ZNF207: variants seen among roughly 807,000 people sequenced by gnomAD.
ZNF207 encodes zinc finger protein 207.
A neutral mutation model predicts 60.2 loss-of-function variants in ZNF207; 24 were observed. The observed-to-expected ratio is 0.40, with a 90% CI of 0.29 to 0.56. The LOEUF is 0.56. Ranked by LOEUF, ZNF207 falls within the 20% of genes least tolerant of loss-of-function variation. The probability of loss-of-function intolerance (pLI) is 0.49; values close to 1 mark genes in which losing one functional copy is unlikely to be tolerated. For missense variants in ZNF207, 452 were observed against 636.6 expected, an observed-to-expected ratio of 0.71 and a Z score of 3.12; for synonymous variants, 236 against 194.7, an observed-to-expected ratio of 1.21 and a Z score of -1.77.
In ZNF207 at chr17:32,369,886, A is replaced by G. The variant is rs2150804473; in HGVS notation, c.*127A>G. On this transcript the variant is annotated 3_prime_UTR_variant, in exon 12 of 12. Coordinates refer to ENST00000394670, the MANE Select transcript of ZNF207 (RefSeq NM_001098507.2). ...AACAAACATTATCTTCCCACATACCAGGAACTATTGGACATTTATTTTACA... is the reference window on the plus strand; with the variant it reads ...AACAAACATTATCTTCCCACATACCGGGAACTATTGGACATTTATTTTACA... 2 of 1,057,540 alleles carry G rather than the reference A, an allele frequency of 1.9e-6. No individual in the cohort carries two copies. The highest frequency in any genetic ancestry group is 3.8e-5 in the Admixed American group (1 of 26,114). The allele number at this position is 1,057,540 out of a possible 1,614,324, so 65.5% of individuals were successfully genotyped here.
At position 32,367,275 on chromosome 17, in the gene ZNF207, A is replaced by ATG. The variant is rs1567825048; in HGVS notation, c.922-496_922-495insGT. ...TATATATATATATATATATATATATATATATATATAAAGAATACTACTAAA... is the reference window on the plus strand; with the variant it reads ...TATATATATATATATATATATATATATGTATATATATAAAGAATACTACTAAA... On this transcript the variant is annotated intron_variant, in intron 9 of 11. Transcript: ENST00000394670. Among the ~76,000 whole-genome samples the ATG allele has an allele frequency of 5.2e-3, 619 of 119,694 alleles. 22 individuals carry two copies. Among genetic ancestry groups the ATG allele is most frequent in the Non-Finnish European group, 7.9e-3 (458 of 57,866 alleles). 78.5% of individuals were successfully genotyped at this position (119,694 alleles called of 152,430 possible).
rs1195927452 is a variant in ZNF207 at position 32,375,514 on chromosome 17, T to G, written c.*5755T>G. The G allele has an allele frequency of 6.6e-6, 1 of 151,754 alleles. No individual in the cohort carries two copies. Among genetic ancestry groups the G allele is most frequent in the African/African-American group, 2.4e-5 (1 of 41,332 alleles). 9.4% of individuals were successfully genotyped at this position (151,754 alleles called of 1,614,324 possible). A position where few individuals can be genotyped will look rare whatever the true frequency, so the allele number is the denominator to read the frequency against. On this transcript the variant is annotated 3_prime_UTR_variant, in exon 12 of 12. Coordinates refer to ENST00000394670, the MANE Select transcript of ZNF207 (RefSeq NM_001098507.2). ...TCTATAGATAACTAAGATAGTTCCTTTTTTTTTGTAGTTCTGTGACTCAGA... is the reference window on the plus strand; with the variant it reads ...TCTATAGATAACTAAGATAGTTCCTGTTTTTTTGTAGTTCTGTGACTCAGA...
intron 2 of ZNF207, among the ~76,000 whole-genome samples, chr17:32,353,611 A>G (rs1380428195): frequency 7.0e-6 from 1 of 142,908 alleles, no homozygotes; most frequent in East Asian, 2.1e-4. Context: ...GTGAAACCCC[A>G]TCTCTACAAA....
intron 2 of ZNF207, among the ~76,000 whole-genome samples, chr17:32,354,288 T>C (rs2150787912): frequency 6.6e-6 from 1 of 152,148 alleles, no homozygotes; most frequent in African/African-American, 2.4e-5. Flanking sequence ...CCATTTTCTT[T>C]AATTCTGAAT....
Position 32,368,255 on chromosome 17 carries a change from CAGTA to C in ZNF207, c.1164+245_1164+248del, listed in dbSNP as rs1310596405. 6.5e-5 allele frequency: 35 copies of C among 535,638 alleles called. No homozygotes were observed. In the Admixed American group the frequency reaches 6.9e-4, roughly 11 times the overall value. The allele number at this position is 535,638 out of a possible 1,614,324, so 33.2% of individuals were successfully genotyped here. On this transcript the variant is annotated intron_variant, in intron 10 of 11. Transcript: ENST00000394670. ...CCTCCAGACTGTTTCTAAAAGAAGA[CAGTA>C]AGTCAGGTTCTTAACTCTCTTAAAA...
Position 32,373,584 on chromosome 17 carries a change from CTT to C in ZNF207, c.*3828_*3829del, listed in dbSNP as rs1034457140. 9.5e-6 allele frequency: 4 copies of C among 419,634 alleles called. No individual in the cohort carries two copies. Among genetic ancestry groups the C allele is most frequent in the Non-Finnish European group, 1.7e-5 (4 of 237,318 alleles). 26.0% of individuals were successfully genotyped at this position (419,634 alleles called of 1,614,324 possible). A position where few individuals can be genotyped will look rare whatever the true frequency, so the allele number is the denominator to read the frequency against. ...TAATTAAACTTAGGATTTTTATACT[CTT>C]TTGGCAGAGAAGGCTCTATATTAAT... On this transcript the variant is annotated 3_prime_UTR_variant, in exon 12 of 12. Coordinates refer to ENST00000394670, the MANE Select transcript of ZNF207 (RefSeq NM_001098507.2).
At chr17:32,355,635 GAT>G (rs1904463423) in intron 2 of ZNF207, among the ~76,000 whole-genome samples, 1 of 152,194 alleles carries the variant, frequency 6.6e-6, no homozygotes. Flanking sequence ...CGCGCTACCA[GAT>G]GTCCTTTGTA....
rs1168976142 is a variant in ZNF207 at position 32,377,419 on chromosome 17, C to G, written c.*7660C>G. 1 of 151,872 alleles carries G rather than the reference C, an allele frequency of 6.6e-6. No individual in the cohort carries two copies. The highest frequency in any genetic ancestry group is 1.5e-5 in the Non-Finnish European group (1 of 67,824). The allele number at this position is 151,872 out of a possible 1,614,324, so 9.4% of individuals were successfully genotyped here. A position where few individuals can be genotyped will look rare whatever the true frequency, so the allele number is the denominator to read the frequency against. ...CTGTAAGTCTGAGTTAGAAAAAATACAGAGCATCTAGTTATTGAGCAAAGC... is the reference window on the plus strand; with the variant it reads ...CTGTAAGTCTGAGTTAGAAAAAATAGAGAGCATCTAGTTATTGAGCAAAGC... On this transcript the variant is annotated 3_prime_UTR_variant, in exon 12 of 12. Transcript: ENST00000394670.
chr17:32,374,788 A>G lies in ZNF207; in HGVS notation c.*5029A>G, dbSNP rs1164659322. The G allele has an allele frequency of 6.6e-6, 1 of 152,214 alleles. No individual in the cohort carries two copies. Among genetic ancestry groups the G allele is most frequent in the Non-Finnish European group, 1.5e-5 (1 of 68,046 alleles). 9.4% of individuals were successfully genotyped at this position (152,214 alleles called of 1,614,324 possible). A position where few individuals can be genotyped will look rare whatever the true frequency, so the allele number is the denominator to read the frequency against. On this transcript the variant is annotated 3_prime_UTR_variant, in exon 12 of 12. Transcript: ENST00000394670. ...TTTCAGGTATCGAAACTGAAATTTG[A>G]TACCTGATCCTGTGGTAAAGTATGT...
At chr17:32,357,351 A>ATTTTTTTTTTTTTTTTTT (rs1164011891) in intron 2 of ZNF207, among the ~76,000 whole-genome samples, 1 of 74,026 alleles carries the variant, frequency 1.4e-5, no homozygotes, top group African/African-American at 5.6e-5. Flanking sequence ...TATTATTATT[A>ATTTTTTTTTTTTTTTTTT]TTTTTTTTTT....
At position 32,376,374 on chromosome 17, in the gene ZNF207, A is replaced by T; in HGVS notation, c.*6615A>T. ...AGTAAGATAATTGCTTTTAATAAGT[A>T]TATTTTTCTTGCTCTTGGCTCTATA... On this transcript the variant is annotated 3_prime_UTR_variant, in exon 12 of 12. Transcript: ENST00000394670. 1 of 152,054 alleles carries T rather than the reference A, an allele frequency of 6.6e-6. No individual in the cohort carries two copies. Among genetic ancestry groups the T allele is most frequent in the African/African-American group, 2.4e-5 (1 of 41,454 alleles). 9.4% of individuals were successfully genotyped at this position (152,054 alleles called of 1,614,324 possible).
rs1905182364 is a variant in ZNF207, at chr17:32,366,789, A to C, written c.921+32A>C. 2.6e-6 allele frequency: 4 copies of C among 1,566,866 alleles called. No homozygotes were observed. In the East Asian group the frequency reaches 9.3e-5, roughly 36 times the overall value. On this transcript the variant is annotated intron_variant, in intron 9 of 11. Transcript: ENST00000394670. ...AGGAAGTTGCAGTTTAAAATTGTTA[A>C]AATGGCTTTATAACTTAACCCTTTG...
rs1200363434 is a variant in ZNF207, at chr17:32,381,661, C to T, written c.*11902C>T. 1 of 152,150 alleles carries T rather than the reference C, an allele frequency of 6.6e-6. No individual in the cohort carries two copies. Among genetic ancestry groups the T allele is most frequent in the Non-Finnish European group, 1.5e-5 (1 of 68,014 alleles). The allele number at this position is 152,150 out of a possible 1,614,324, so 9.4% of individuals were successfully genotyped here. On this transcript the variant is annotated 3_prime_UTR_variant, in exon 12 of 12. Coordinates refer to ENST00000394670, the MANE Select transcript of ZNF207 (RefSeq NM_001098507.2). ...TTTTCAGATAGTCTGGGGCTATTTA[C>T]TTATTTTAAGTAAGCCAAGTCTACC...
In ZNF207 at chr17:32,371,088, CT is replaced by C. The variant is rs1905444303; in HGVS notation, c.*1330del. 6.6e-6 allele frequency: 1 copy of C among 152,136 alleles called. No individual in the cohort carries two copies. The highest frequency in any genetic ancestry group is 2.4e-5 in the African/African-American group (1 of 41,430). The allele number at this position is 152,136 out of a possible 1,614,324, so 9.4% of individuals were successfully genotyped here. A position where few individuals can be genotyped will look rare whatever the true frequency, so the allele number is the denominator to read the frequency against. On this transcript the variant is annotated 3_prime_UTR_variant, in exon 12 of 12. Transcript: ENST00000394670. ...GCTATTCAATATTTTGTGTTGCAAC[CT>C]CTTAAAATAATAGCTCTTGTTGACC...
Position 32,368,012 on chromosome 17 carries a change from C to T in ZNF207, c.1162C>T (p.Leu388=). ...GATCCATCCAGATGAGGATATATCCCTGGTAAGTTGCTTTTAGTTTTCTAC... is the reference window on the plus strand; with the variant it reads ...GATCCATCCAGATGAGGATATATCCTTGGTAAGTTGCTTTTAGTTTTCTAC... ...KLIHPDEDIS[L]EERRAQLPKY... Residue 388 remains leucine, a splice_region_variant and synonymous_variant, in exon 10 of 12, where the codon CTG becomes TTG. Coordinates refer to ENST00000394670, the MANE Select transcript of ZNF207 (RefSeq NM_001098507.2). The T allele has an allele frequency of 3.1e-6, 5 of 1,613,482 alleles. No individual in the cohort carries two copies. Among genetic ancestry groups the T allele is most frequent in the African/African-American group, 1.3e-5 (1 of 75,030 alleles).
In ZNF207 at chr17:32,369,456, T is replaced by A; in HGVS notation, c.1324+2T>A. ...TGAGACCCCCAATGCCACCTCATGG[T>A]ATTCCTCTTTTTATGTTTTTCATAT... is the stretch of plus-strand genomic sequence containing the variant. On this transcript the variant is annotated splice_donor_variant, in intron 11 of 11. Transcript: ENST00000394670. LOFTEE classifies it high-confidence loss of function. The A allele has an allele frequency of 6.2e-7, 1 of 1,612,818 alleles. No homozygotes were observed. The highest frequency in any genetic ancestry group is 8.5e-7 in the Non-Finnish European group (1 of 1,179,418).
intron 2 of ZNF207, among the ~76,000 whole-genome samples, chr17:32,357,754 G>C (rs1301272480): frequency 6.6e-6 from 1 of 152,010 alleles, no homozygotes; most frequent in Non-Finnish European, 1.5e-5. Flanking sequence ...TCATGCCTCA[G>C]CCTGTCGAGT....
chr17:32,357,623 A>T (rs1295800869), intron 2 of ZNF207, among the ~76,000 whole-genome samples: 3 of 151,660 alleles, frequency 2.0e-5, no homozygotes. Context: ...CTGGGATTAC[A>T]GGCGTGAGCC....
intron 9 of ZNF207, 53 bp from the exon 10 acceptor site, chr17:32,367,717 GAT>G (rs1905269267): frequency 6.2e-7 from 1 of 1,600,662 alleles, no homozygotes; most frequent in Non-Finnish European, 8.5e-7. Context: ...AACTGTTGTA[GAT>G]ATAGTTAATT....
Sources: gnomAD v4.1 joint callset for allele counts (sites outside exome capture counted in the v4.1 genomes callset) on GRCh38, gnomAD v4.1.1 for gene constraint, MANE v1.5 for transcripts, NCBI Gene and HGNC (gene_info 2026-07-23, HGNC 2026-07-21) for gene names.